Variants in PARVB observed in about 807,000 individuals in gnomAD.
The protein encoded by PARVB is parvin beta.
Under a neutral mutation model 47.0 loss-of-function variants are expected in PARVB, and 46 were observed. The observed-to-expected ratio is 0.98, with a 90% CI of 0.77 to 1.25. The LOEUF is 1.25. Among genes scored for constraint, PARVB ranks in the 50% most tolerant of loss-of-function variants. The probability of loss-of-function intolerance (pLI) is 0.00; values close to 1 mark genes in which losing one functional copy is unlikely to be tolerated. For missense variants in PARVB, 473 were observed against 471.6 expected, an observed-to-expected ratio of 1.00 and a Z score of -0.03; for synonymous variants, 196 against 196.3, an observed-to-expected ratio of 1.00 and a Z score of 0.01.
intron 1 of PARVB, among the ~76,000 whole-genome samples, chr22:44,077,741 T>C (rs1442720286): frequency 3.3e-5 from 5 of 152,144 alleles, no homozygotes; most frequent in Admixed American, 6.5e-5. Context: ...GTTACTCTTT[T>C]TTTTTCTTCT....
At chr22:44,026,019 G>A (rs1336892302) in intron 1 of PARVB, among the ~76,000 whole-genome samples, 2 of 152,252 alleles carry the variant, frequency 1.3e-5, no homozygotes, top group Non-Finnish European at 2.9e-5. Flanking sequence ...GGAGGCCTCT[G>A]AGGAGGGGAC....
chr22:44,069,536 T>C (rs542571952), intron 1 of PARVB, among the ~76,000 whole-genome samples: 1 of 152,234 alleles, frequency 6.6e-6, no homozygotes, highest in South Asian at 2.1e-4. Context: ...TGTCTTTTTT[T>C]TTTCTCTCTG....
chr22:44,116,140 T>C (rs1308677971), intron 3 of PARVB: 2 of 152,378 alleles, frequency 1.3e-5, no homozygotes, highest in Non-Finnish European at 2.9e-5. Context: ...TCTCAGACTT[T>C]CCTTGTTTCT....
At chr22:44,131,378 G>A in intron 4 of PARVB, 109 bp from the exon 5 acceptor site, 1 of 1,149,090 alleles carries the variant, frequency 8.7e-7, no homozygotes, top group Non-Finnish European at 1.3e-6. Context: ...CTGGCCTGAA[G>A]TGATTCACCC....
intron 1 of PARVB, among the ~76,000 whole-genome samples, chr22:44,070,133 C>T (rs759982700): frequency 1.1e-4 from 17 of 152,232 alleles, no homozygotes; most frequent in Admixed American, 3.3e-4. Flanking sequence ...AGCTCCTTAA[C>T]GTGCTTTGCT....
At chr22:44,106,439 A>T (rs999611812) in intron 3 of PARVB, 1 of 152,254 alleles carries the variant, frequency 6.6e-6, no homozygotes, top group Admixed American at 6.5e-5. Context: ...GCCACCTCCC[A>T]GTGGTTCCTC....
Position 44,125,261 on chromosome 22 carries a change from C to T in PARVB, c.376+6121C>T, listed in dbSNP as rs948367517. On this transcript the variant is annotated intron_variant, in intron 4 of 12. Coordinates refer to ENST00000338758, the MANE Select transcript of PARVB (RefSeq NM_013327.5). This position sits in a 1 kb window ranked among gnomAD's most constrained non-coding sequence, Gnocchi z 4.1. ...TGAATGTTCATTGGCTTACATGTGTCGGGTGGCTCTTGGCTGTAGAGACAC... is the reference window on the plus strand; with the variant it reads ...TGAATGTTCATTGGCTTACATGTGTTGGGTGGCTCTTGGCTGTAGAGACAC... 5.9e-5 allele frequency among the ~76,000 whole-genome samples: 9 copies of T among 151,836 alleles called. No individual in the cohort carries two copies. The highest frequency in any genetic ancestry group is 2.1e-4 in the South Asian group (1 of 4,786).
intron 1 of PARVB, among the ~76,000 whole-genome samples, chr22:44,085,709 C>T (rs1032006681): frequency 2.6e-5 from 4 of 152,200 alleles, no homozygotes; most frequent in Admixed American, 1.3e-4. Context: ...GGTGCGAGGT[C>T]GGCTGCTGGG....
chr22:44,157,938 A>G (rs915920721), intron 10 of PARVB, 44 bp from the exon 11 acceptor site: 54 of 1,439,508 alleles, frequency 3.8e-5, no homozygotes, highest in Non-Finnish European at 5.3e-5. Flanking sequence ...AGCATTTGCC[A>G]ACTCCTTACC....
At chr22:44,015,235 T>C (rs2050563672) in intron 2 of PARVB, among the ~76,000 whole-genome samples, 1 of 151,780 alleles carries the variant, frequency 6.6e-6, no homozygotes, top group African/African-American at 2.4e-5. Flanking sequence ...TTTAGACAGA[T>C]AGTGAGGGTG....
chr22:44,018,874 C>T (rs2050613452), intron 2 of PARVB, among the ~76,000 whole-genome samples: 1 of 151,884 alleles, frequency 6.6e-6, no homozygotes, highest in Non-Finnish European at 1.5e-5. Flanking sequence ...GGTCCATTTG[C>T]ATTGCTATAA....
chr22:44,034,687 G>A (rs1413566967), intron 1 of PARVB, among the ~76,000 whole-genome samples: 1 of 142,694 alleles, frequency 7.0e-6, no homozygotes, highest in African/African-American at 2.5e-5. Flanking sequence ...CCCCCATGCA[G>A]TCAGAAATCC....
intron 4 of PARVB, among the ~76,000 whole-genome samples, chr22:44,129,630 C>G (rs936095645): frequency 2.0e-5 from 3 of 152,202 alleles, no homozygotes; most frequent in African/African-American, 7.2e-5. Flanking sequence ...GACCTACTTG[C>G]TCTCTACTTC....
intron 1 of PARVB, chr22:44,039,906 C>T (rs1366292661): frequency 4.4e-6 from 2 of 453,820 alleles, no homozygotes; most frequent in East Asian, 7.0e-5. Context: ...CCTCGAACTC[C>T]TGGCCTCCAG....
chr22:44,030,863 C>A (rs1215256060), intron 1 of PARVB, among the ~76,000 whole-genome samples: 1 of 152,052 alleles, frequency 6.6e-6, no homozygotes, highest in Non-Finnish European at 1.5e-5. Context: ...AGCGTCAGGG[C>A]CCGTAGAAAA....
rs1288832174 is a variant in PARVB at position 44,081,922 on chromosome 22, C to G, written c.113-12006C>G. On this transcript the variant is annotated intron_variant, in intron 1 of 12. Transcript: ENST00000338758. ...CAGTGACTGAAATCATTTGGAAGTACCCCCTGAAAGCCAGCGTGATGGGTT... is the reference window on the plus strand; with the variant it reads ...CAGTGACTGAAATCATTTGGAAGTAGCCCCTGAAAGCCAGCGTGATGGGTT... Among the ~76,000 whole-genome samples, 3 of 152,150 alleles carry G rather than the reference C, an allele frequency of 2.0e-5. No individual in the cohort carries two copies. The East Asian group carries it at 5.8e-4, about 29-fold the overall frequency.
chr22:44,030,475 G>A (rs2050806054), intron 1 of PARVB, among the ~76,000 whole-genome samples: 1 of 152,214 alleles, frequency 6.6e-6, no homozygotes, highest in Admixed American at 6.5e-5. Context: ...CTGGAGAGGT[G>A]AGCAGCCCTG....
chr22:44,002,030 C>T (rs1034085252), intron 2 of PARVB, among the ~76,000 whole-genome samples: 13 of 152,208 alleles, frequency 8.5e-5, no homozygotes, highest in Admixed American at 3.3e-4. Flanking sequence ...AGCACAGTGG[C>T]GAAGAATACA....
intron 11 of PARVB, among the ~76,000 whole-genome samples, chr22:44,159,662 C>T (rs2054010285): frequency 6.6e-6 from 1 of 152,130 alleles, no homozygotes; most frequent in South Asian, 2.1e-4. Flanking sequence ...TTTTCCCTTT[C>T]TCCTCATGGC....
Sources: gnomAD v4.1 joint callset for allele counts (sites outside exome capture counted in the v4.1 genomes callset) on GRCh38, gnomAD v4.1.1 for gene constraint, Gnocchi (gnomAD v3.1) non-coding constraint, MANE v1.5 for transcripts, NCBI Gene and HGNC (gene_info 2026-07-23, HGNC 2026-07-21) for gene names.